The following FKBP5 variants were observed in gnomAD, a reference collection of about 807,000 sequenced individuals.
FKBP5 encodes FKBP prolyl isomerase 5.
Under a neutral mutation model 50.5 loss-of-function variants are expected in FKBP5, and 23 were observed. The ratio of observed to expected loss-of-function variants is 0.46; its 90% CI spans 0.33 to 0.65. The LOEUF is 0.65. Ranked by LOEUF, FKBP5 falls within the 30% of genes least tolerant of loss-of-function variation. The pLI, the probability that FKBP5 is intolerant of heterozygous loss-of-function variation, is 0.02. For missense variants in FKBP5, 411 were observed against 553.1 expected (o/e 0.74, Z 2.58); for synonymous variants, 176 against 190.6 (o/e 0.92, Z 0.63).
intron 1 of FKBP5, among the ~76,000 whole-genome samples, chr6:35,663,717 C>T (rs181205728): frequency 9.8e-5 from 15 of 152,352 alleles, no homozygotes; most frequent in African/African-American, 3.4e-4. Context: ...CTCCCTCACT[C>T]GCTTCAGGTC....
chr6:35,597,458 T>C, intron 5 of FKBP5, 54 bp from the exon 6 acceptor site: 1 of 1,555,618 alleles, frequency 6.4e-7, no homozygotes, highest in Non-Finnish European at 8.7e-7. Flanking sequence ...GACTGGCTAA[T>C]TCAGTGAAGT....
At position 35,591,174 on chromosome 6, in the gene FKBP5, T is replaced by C. The variant is rs1243987649; in HGVS notation, c.712A>G (p.Asn238Asp). The C allele has an allele frequency of 6.2e-7, 1 of 1,613,504 alleles. No individual in the cohort carries two copies. The highest frequency in any genetic ancestry group is 8.5e-7 in the Non-Finnish European group (1 of 1,179,738). Residue 238 changes from asparagine to aspartate, a missense_variant, in exon 7 of 11, where the codon AAT becomes GAT. Coordinates refer to ENST00000357266, the MANE Select transcript of FKBP5 (RefSeq NM_004117.4). The part of the protein sequence containing the change: ...AGKPKFGIEP[N>D]AELIYEVTLK... ...GTAACTTCATATATAAGCTCAGCAT[T>C]AGGTTCAATGCCAAATTTAGGCTTC...
chr6:35,582,623 C>T, intron 8 of FKBP5: 1 of 973,510 alleles, frequency 1.0e-6, no homozygotes. Flanking sequence ...AAGTAAATTC[C>T]TGTTGTTGAA....
At chr6:35,584,381 A>G in intron 8 of FKBP5, 1 of 985,456 alleles carries the variant, frequency 1.0e-6, no homozygotes, top group Non-Finnish European at 1.2e-6. Flanking sequence ...CAACAGATCA[A>G]TGGAAACAGA....
At chr6:35,699,661 T>C (rs1221398771) in intron 2 of FKBP5, among the ~76,000 whole-genome samples, 1 of 152,160 alleles carries the variant, frequency 6.6e-6, no homozygotes, top group African/African-American at 2.4e-5. Flanking sequence ...CTGCTCTCGA[T>C]CTGAAGATCT....
upstream of FKBP5, among the ~76,000 whole-genome samples, chr6:35,692,066 C>T (rs1460375515): frequency 5.9e-5 from 9 of 152,214 alleles, no homozygotes; most frequent in Non-Finnish European, 1.5e-5. Flanking sequence ...TGGAACTGCT[C>T]AAACCACATC....
At chr6:35,647,475 T>G (rs1764661901) in intron 1 of FKBP5, among the ~76,000 whole-genome samples, 1 of 152,090 alleles carries the variant, frequency 6.6e-6, no homozygotes, top group African/African-American at 2.4e-5. Flanking sequence ...AACCAGAACT[T>G]TGGGGGAATT....
intron 3 of FKBP5, among the ~76,000 whole-genome samples, chr6:35,633,542 CAAAA>C (rs10714201): frequency 2.2e-5 from 2 of 91,588 alleles, no homozygotes; most frequent in Admixed American, 1.2e-4. Context: ...GATTCCATCT[CAAAA>C]AAAAAAAAAA....
chr6:35,619,095 C>T lies in FKBP5; in HGVS notation c.508+1G>A, dbSNP rs1197703433. 4 of 1,605,786 alleles carry T rather than the reference C, an allele frequency of 2.5e-6. No homozygotes were observed. Among genetic ancestry groups the T allele is most frequent in the Non-Finnish European group, 3.4e-6 (4 of 1,172,690 alleles). ...TAGTTCCCTCTTACTTTAATACTTA[C>T]TTTCTACTGTTGCTCCTTCGTTTGG... On this transcript the variant is annotated splice_donor_variant, in intron 5 of 10. Transcript: ENST00000357266. LOFTEE classifies it high-confidence loss of function.
intron 5 of FKBP5, chr6:35,607,769 T>C: frequency 4.6e-6 from 1 of 218,998 alleles, no homozygotes; most frequent in East Asian, 1.2e-4. Context: ...CTGAGAGCTG[T>C]GTGGCTTCAC....
chr6:35,576,180 G>A (rs968510679), intron 10 of FKBP5, among the ~76,000 whole-genome samples: 1 of 152,026 alleles, frequency 6.6e-6, no homozygotes, highest in African/African-American at 2.4e-5. Context: ...TGGAGACTGG[G>A]GACAGGACCA....
At chr6:35,725,661 G>A (rs1164114882) in intron 1 of FKBP5, among the ~76,000 whole-genome samples, 1 of 152,090 alleles carries the variant, frequency 6.6e-6, no homozygotes, top group African/African-American at 2.4e-5. Flanking sequence ...GGGAGCCCAA[G>A]TGGAAGATGG....
intron 1 of FKBP5, among the ~76,000 whole-genome samples, chr6:35,643,760 G>T (rs1581845946): frequency 6.6e-6 from 1 of 151,978 alleles, no homozygotes; most frequent in Admixed American, 6.6e-5. Flanking sequence ...CTATTTGTAG[G>T]CCATTTTGCC....
intron 3 of FKBP5, among the ~76,000 whole-genome samples, chr6:35,621,614 T>C (rs1763844969): frequency 8.1e-6 from 1 of 122,872 alleles, no homozygotes; most frequent in Non-Finnish European, 1.7e-5. Context: ...CAAGACTCTG[T>C]CTCCAAAAAA....
In FKBP5 at chr6:35,706,350, G is replaced by A. The variant is rs1319838493; in HGVS notation, c.-20+13978C>T. Among the ~76,000 whole-genome samples, 4 of 150,968 alleles carry A rather than the reference G, an allele frequency of 2.6e-5. No individual in the cohort carries two copies. In the South Asian group the frequency reaches 6.2e-4, roughly 24 times the overall value. The stretch of plus-strand genomic sequence containing the variant: ...GAGGCAGGAGAATCACTTGAACCTA[G>A]GAGGCGGAGGTTGCAGTGAGCCAAG... On this transcript the variant is annotated intron_variant, in intron 2 of 11. Coordinates refer to the FKBP5 transcript ENST00000536438.
chr6:35,636,358 A>G (rs1450811655), intron 3 of FKBP5, among the ~76,000 whole-genome samples: 1 of 152,224 alleles, frequency 6.6e-6, no homozygotes, highest in African/African-American at 2.4e-5. Context: ...TCATTCTCAG[A>G]AAAACACCTG....
intron 2 of FKBP5, among the ~76,000 whole-genome samples, chr6:35,698,099 T>C (rs143812396): frequency 6.6e-6 from 1 of 152,324 alleles, no homozygotes; most frequent in African/African-American, 2.4e-5. Context: ...TCCCAGCGCT[T>C]TGGGAGGCCA....
intron 2 of FKBP5, among the ~76,000 whole-genome samples, chr6:35,638,975 A>G (rs1247871344): frequency 6.6e-6 from 1 of 151,270 alleles, no homozygotes; most frequent in African/African-American, 2.5e-5. Flanking sequence ...CATCCACACC[A>G]GCAAGTGGTA....
intron 6 of FKBP5, among the ~76,000 whole-genome samples, chr6:35,593,574 G>T (rs1376352063): frequency 6.6e-6 from 1 of 151,848 alleles, no homozygotes; most frequent in African/African-American, 2.4e-5. Flanking sequence ...TTATTTTTGA[G>T]ACAAGAGTTT....
Sources: gnomAD v4.1 joint callset for allele counts (sites outside exome capture counted in the v4.1 genomes callset) on GRCh38, gnomAD v4.1.1 for gene constraint, MANE v1.5 for transcripts, NCBI Gene and HGNC (gene_info 2026-07-23, HGNC 2026-07-21) for gene names.